Variants in TENM3 observed in about 807,000 individuals in gnomAD.
TENM3 encodes teneurin transmembrane protein 3.
In TENM3, 63 loss-of-function variants were observed where a neutral mutation model predicts 255.1. The observed-to-expected ratio is 0.25, with a 90% CI of 0.20 to 0.30. The LOEUF is 0.30. Ranked by LOEUF, TENM3 falls within the 10% of genes least tolerant of loss-of-function variation. The pLI is 1.00. For synonymous variants in TENM3, 1,306 were observed against 1,322.3 expected (o/e 0.99, Z 0.27); for missense variants, 2,929 against 3,461.1 (o/e 0.85, Z 3.86).
chr4:182,140,607 A>C (rs1422308642), upstream of TENM3, among the ~76,000 whole-genome samples: 1 of 152,172 alleles, frequency 6.6e-6, no homozygotes, highest in East Asian at 1.9e-4. Context: ...GGAGAGCCTA[A>C]TACCTGCCTG....
At chr4:181,942,784 T>A in the TENM3 span, among the ~76,000 whole-genome samples, 1 of 152,342 alleles carries the variant, frequency 6.6e-6, no homozygotes, top group African/African-American at 2.4e-5. Flanking sequence ...AAAATATTTT[T>A]AAATCTGAGA....
chr4:182,630,710 T>C (rs1751281863), intron 5 of TENM3, among the ~76,000 whole-genome samples: 1 of 151,982 alleles, frequency 6.6e-6, no homozygotes, highest in South Asian at 2.1e-4. Flanking sequence ...AACTTAAAAA[T>C]AAAAAAGAAT....
rs563996831 is a variant in TENM3, at chr4:182,755,811, GT to G, written c.4892+553del. 4.5e-3 allele frequency among the ~76,000 whole-genome samples: 681 copies of G among 152,162 alleles called. 5 individuals carry two copies. The highest frequency in any genetic ancestry group is 0.015 in the African/African-American group (633 of 41,510). ...GCCGAGATCGCGCCACTGCACTCCA[GT>G]CTCTGGGCGACAGAGCGAGACTCCG... is the stretch of plus-strand genomic sequence containing the variant. On this transcript the variant is annotated intron_variant, in intron 22 of 27. Coordinates refer to ENST00000511685, the MANE Select transcript of TENM3 (RefSeq NM_001080477.4).
chr4:182,352,045 C>A (rs961444896), intron 3 of TENM3, among the ~76,000 whole-genome samples: 1 of 152,006 alleles, frequency 6.6e-6, no homozygotes, highest in Non-Finnish European at 1.5e-5. Flanking sequence ...AAGTGCCTAC[C>A]TAGTTTGGAC....
At chr4:181,780,202 A>G in the TENM3 span, among the ~76,000 whole-genome samples, 1 of 152,228 alleles carries the variant, frequency 6.6e-6, no homozygotes, top group Non-Finnish European at 1.5e-5. Flanking sequence ...GATCCTTGAG[A>G]AATTGTCACA....
At chr4:181,668,208 A>T in the TENM3 span, among the ~76,000 whole-genome samples, 1 of 152,172 alleles carries the variant, frequency 6.6e-6, no homozygotes, top group Admixed American at 6.5e-5. Context: ...CAATGTGTTC[A>T]AATATAACGT....
chr4:181,503,858 T>G, the TENM3 span, among the ~76,000 whole-genome samples: 1 of 152,184 alleles, frequency 6.6e-6, no homozygotes, highest in Non-Finnish European at 1.5e-5. Context: ...CGCTGCACAG[T>G]TCCTGCTCCG....
At chr4:182,360,244 G>C (rs1172377432) in intron 3 of TENM3, among the ~76,000 whole-genome samples, 1 of 128,244 alleles carries the variant, frequency 7.8e-6, no homozygotes, top group Non-Finnish European at 1.6e-5. Flanking sequence ...GGTCCGCTTG[G>C]TGCAGAGCTG....
At chr4:181,896,922 G>A in the TENM3 span, among the ~76,000 whole-genome samples, 30 of 152,266 alleles carry the variant, frequency 2.0e-4, no homozygotes, top group South Asian at 6.0e-3. Flanking sequence ...TAAACCCCAA[G>A]ATATGTCTCC....
At chr4:181,992,632 ATTTTG>A in the TENM3 span, among the ~76,000 whole-genome samples, 4 of 152,132 alleles carry the variant, frequency 2.6e-5, no homozygotes, top group South Asian at 8.3e-4. Context: ...ATGGCAACAA[ATTTTG>A]CAAGTTAATA....
intron 22 of TENM3, among the ~76,000 whole-genome samples, chr4:182,772,350 G>A (rs561421231): frequency 6.6e-6 from 1 of 152,206 alleles, no homozygotes; most frequent in South Asian, 2.1e-4. Flanking sequence ...CTGTTTTCCT[G>A]CCCTGGTAAC....
At chr4:182,022,501 G>A in the TENM3 span, among the ~76,000 whole-genome samples, 1 of 146,560 alleles carries the variant, frequency 6.8e-6, no homozygotes, top group Non-Finnish European at 1.5e-5. Context: ...ATATGCCCAT[G>A]TAACAAACCT....
chr4:182,508,012 A>G (rs902440708), intron 3 of TENM3, among the ~76,000 whole-genome samples: 1 of 152,216 alleles, frequency 6.6e-6, no homozygotes, highest in Non-Finnish European at 1.5e-5. Context: ...AGGCTCTGGT[A>G]TCAGGTTTCC....
At chr4:181,605,570 G>GAAAGAA in the TENM3 span, among the ~76,000 whole-genome samples, 93 of 24,822 alleles carry the variant, frequency 3.7e-3, 16 homozygotes, top group Non-Finnish European at 6.6e-3. Flanking sequence ...AAGAAAGAAA[G>GAAAGAA]AGAGAGAAAG....
At chr4:181,493,709 A>C in the TENM3 span, among the ~76,000 whole-genome samples, 5 of 152,108 alleles carry the variant, frequency 3.3e-5, no homozygotes, top group Admixed American at 1.3e-4. Context: ...ACACTATTGC[A>C]CTCCAGCCTG....
chr4:182,026,764 T>C, the TENM3 span, among the ~76,000 whole-genome samples: 2 of 152,292 alleles, frequency 1.3e-5, no homozygotes, highest in South Asian at 4.1e-4. Context: ...GAAAATGGTT[T>C]ACTGGAGGTG....
chr4:181,948,086 C>T, the TENM3 span, among the ~76,000 whole-genome samples: 2 of 152,188 alleles, frequency 1.3e-5, no homozygotes, highest in Non-Finnish European at 1.5e-5. Context: ...CAGGGAGACA[C>T]AGTTTTATTT....
At chr4:182,278,727 A>T (rs989487372) in intron 1 of TENM3, among the ~76,000 whole-genome samples, 18 of 151,746 alleles carry the variant, frequency 1.2e-4, no homozygotes, top group Admixed American at 1.1e-3. Context: ...TCGTGATTTG[A>T]TTAATGAATG....
the TENM3 span, among the ~76,000 whole-genome samples, chr4:181,448,375 T>G: frequency 1.1e-4 from 17 of 150,456 alleles, no homozygotes; most frequent in African/African-American, 3.4e-4. Flanking sequence ...GTTTCACCGT[T>G]TTAGCCGGGA....
Sources: gnomAD v4.1 joint callset for allele counts (sites outside exome capture counted in the v4.1 genomes callset) on GRCh38, gnomAD v4.1.1 for gene constraint, MANE v1.5 for transcripts, NCBI Gene and HGNC (gene_info 2026-07-23, HGNC 2026-07-21) for gene names.